Variants in KAZN observed in about 807,000 individuals in gnomAD.
KAZN encodes the protein kazrin.
In KAZN, 40 loss-of-function variants were observed where a neutral mutation model predicts 87.4. The ratio of observed to expected loss-of-function variants is 0.46; its 90% CI spans 0.36 to 0.60. The LOEUF (loss-of-function observed/expected upper bound fraction) is 0.60, where lower values mean the gene tolerates loss of function less well. Among genes scored for constraint, KAZN ranks in the 20% least tolerant of loss-of-function variants. The pLI is 0.00. For synonymous variants in KAZN, 466 were observed against 458.3 expected (o/e 1.02, Z -0.22); for missense variants, 898 against 1,073.9 (o/e 0.84, Z 2.29).
At chr1:15,091,109 C>G (rs1164099131) in intron 8 of KAZN, among the ~76,000 whole-genome samples, 1 of 152,122 alleles carries the variant, frequency 6.6e-6, no homozygotes, top group Admixed American at 6.5e-5. Context: ...CACAAATACT[C>G]TCACACTCAC....
intron 1 of KAZN, among the ~76,000 whole-genome samples, chr1:14,132,288 G>T (rs1645007848): frequency 6.6e-6 from 1 of 152,158 alleles, no homozygotes. Flanking sequence ...ATGTGCTAGG[G>T]TCAGGGGGTA....
intron 1 of KAZN, among the ~76,000 whole-genome samples, chr1:14,131,417 G>A (rs147417120): frequency 6.6e-6 from 1 of 152,284 alleles, no homozygotes; most frequent in Non-Finnish European, 1.5e-5. Flanking sequence ...CGATACGTTA[G>A]AGTTGAAATG....
chr1:14,672,313 G>T (rs1639964068), intron 1 of KAZN, among the ~76,000 whole-genome samples: 1 of 152,270 alleles, frequency 6.6e-6, no homozygotes, highest in Middle Eastern at 3.4e-3. Context: ...AGAAAAGAAA[G>T]TCAAGTCTTT....
At chr1:14,828,115 C>G (rs1021861505) in intron 1 of KAZN, among the ~76,000 whole-genome samples, 2 of 152,224 alleles carry the variant, frequency 1.3e-5, no homozygotes, top group African/African-American at 4.8e-5. Context: ...TATGCCATCC[C>G]TTGGCATACA....
intron 2 of KAZN, among the ~76,000 whole-genome samples, chr1:14,983,244 C>T (rs1012155760): frequency 3.3e-5 from 5 of 152,178 alleles, no homozygotes; most frequent in South Asian, 2.1e-4. Flanking sequence ...TGTACACCCC[C>T]TACCTCCACC....
chr1:14,761,342 C>T (rs1185175316), intron 1 of KAZN, among the ~76,000 whole-genome samples: 1 of 152,172 alleles, frequency 6.6e-6, no homozygotes, highest in Non-Finnish European at 1.5e-5. Flanking sequence ...GTCTCCTCCC[C>T]CAAGCCCCTC....
chr1:15,054,762 A>C (rs1674772853), intron 4 of KAZN, among the ~76,000 whole-genome samples: 3 of 152,270 alleles, frequency 2.0e-5, no homozygotes. Context: ...AAAACCCCAG[A>C]TATTCTAAGG....
chr1:14,024,823 G>A (rs1489220742), intron 1 of KAZN, among the ~76,000 whole-genome samples: 1 of 152,190 alleles, frequency 6.6e-6, no homozygotes, highest in Non-Finnish European at 1.5e-5. Flanking sequence ...TGCTTGAAAG[G>A]CACTGACGCT....
intron 1 of KAZN, among the ~76,000 whole-genome samples, chr1:14,608,897 A>G (rs756291332): frequency 6.6e-6 from 1 of 152,134 alleles, no homozygotes; most frequent in African/African-American, 2.4e-5. Context: ...TTAATTTGGC[A>G]AGTGCAACCT....
chr1:14,741,079 A>G (rs984455894), intron 1 of KAZN, among the ~76,000 whole-genome samples: 2 of 152,260 alleles, frequency 1.3e-5, no homozygotes, highest in Admixed American at 6.5e-5. Flanking sequence ...TTGTGCTACC[A>G]TGGAGGTCCT....
chr1:15,027,814 G>A, intron 2 of KAZN, among the ~76,000 whole-genome samples: 1 of 150,856 alleles, frequency 6.6e-6, no homozygotes, highest in East Asian at 2.1e-4. Flanking sequence ...TCCAGGATTG[G>A]GCCCACAGTG....
chr1:14,554,255 G>A (rs72862096), intron 2 of KAZN, among the ~76,000 whole-genome samples: 23,933 of 152,046 alleles, frequency 0.16, 3,401 homozygotes, highest in African/African-American at 0.38. Flanking sequence ...AGCTAGTACC[G>A]TCTCCACCTA....
At chr1:14,205,884 C>CAAAAAAAAAAAAAAAA (rs70997121) in intron 2 of KAZN, among the ~76,000 whole-genome samples, 783 of 35,200 alleles carry the variant, frequency 0.022, 288 homozygotes, top group African/African-American at 0.058. Context: ...GACACTGTCT[C>CAAAAAAAAAAAAAAAA]AAAAAAAAAA....
At chr1:14,620,322 A>C (rs1170525464) in intron 1 of KAZN, among the ~76,000 whole-genome samples, 1 of 152,264 alleles carries the variant, frequency 6.6e-6, no homozygotes, top group African/African-American at 2.4e-5. Context: ...AAAGTTGTTG[A>C]GAGTATTCAA....
chr1:14,797,197 C>A (rs1350982949), intron 1 of KAZN, among the ~76,000 whole-genome samples: 1 of 151,938 alleles, frequency 6.6e-6, no homozygotes, highest in Admixed American at 6.6e-5. Context: ...AGTAGCTGGG[C>A]TTACAGGCGT....
chr1:14,128,866 C>G (rs1644930586), intron 1 of KAZN, among the ~76,000 whole-genome samples: 1 of 152,136 alleles, frequency 6.6e-6, no homozygotes, highest in Admixed American at 6.5e-5. Context: ...CATCTTCAAC[C>G]CTTCAACCCA....
Position 14,731,672 on chromosome 1 carries a change from A to G in KAZN, c.226+132449A>G, listed in dbSNP as rs138432107. Among the ~76,000 whole-genome samples, 17 of 152,358 alleles carry G rather than the reference A, an allele frequency of 1.1e-4. 1 individual carries two copies. The East Asian group carries it at 3.1e-3, about 28-fold the overall frequency. On this transcript the variant is annotated intron_variant, in intron 1 of 14. Coordinates refer to ENST00000376030, the MANE Select transcript of KAZN (RefSeq NM_201628.3). ...GAAGCTGAGAAGCTCGAAAGAGGAC[A>G]CACAGCTAGTGGGTAGCAGAGCCTG...
chr1:14,497,335 TAAAAAAAAAAAAA>T (rs70997150), intron 2 of KAZN, among the ~76,000 whole-genome samples: 2 of 76,444 alleles, frequency 2.6e-5, no homozygotes, highest in East Asian at 1.1e-3. Context: ...ATTCTGTTAC[TAAAAAAAAAAAAA>T]AAAAAAAAAA....
chr1:14,074,870 TA>T (rs1643390755), intron 1 of KAZN, among the ~76,000 whole-genome samples: 1 of 152,216 alleles, frequency 6.6e-6, no homozygotes, highest in Non-Finnish European at 1.5e-5. Context: ...TATCATCAAT[TA>T]AATAAAGGTG....
Sources: gnomAD v4.1 joint callset for allele counts (sites outside exome capture counted in the v4.1 genomes callset) on GRCh38, gnomAD v4.1.1 for gene constraint, MANE v1.5 for transcripts, NCBI Gene and HGNC (gene_info 2026-07-23, HGNC 2026-07-21) for gene names.